The following SRC variants were observed in gnomAD, a reference collection of about 807,000 sequenced individuals.
SRC encodes the protein proto-oncogene tyrosine-protein kinase Src.
In SRC, 13 loss-of-function variants were observed where a neutral mutation model predicts 62.9. That is an observed-to-expected ratio of 0.21 (90% CI 0.13 to 0.33). The LOEUF (loss-of-function observed/expected upper bound fraction) is 0.33. Ranked by LOEUF, SRC falls within the 10% of genes least tolerant of loss-of-function variation. SRC has a pLI of 1.00. For missense variants in SRC, 457 were observed against 737.3 expected (o/e 0.62, Z 4.40); for synonymous variants, 302 against 317.5 (o/e 0.95, Z 0.52).
At chr20:37,400,324 A>AGGGGCAC in intron 10 of SRC, 30 bp downstream of exon 10, 9 of 1,582,764 alleles carry the variant, frequency 5.7e-6, no homozygotes, top group Non-Finnish European at 7.8e-6. Flanking sequence ...GGCAGGGGGC[A>AGGGGCAC]GGGGCACTCC....
At position 37,382,008 on chromosome 20, in the gene SRC, G is replaced by A. The variant is rs529599910; in HGVS notation, c.-172-611G>A. ...GCCCCAGGGGCACAGGGGACAGGCT[G>A]AAATTCACACAGGCAGGGGGCGTCT... is the stretch of plus-strand genomic sequence containing the variant. On this transcript the variant is annotated intron_variant, in intron 2 of 13. Coordinates refer to ENST00000373578, the MANE Select transcript of SRC (RefSeq NM_198291.3). Among the ~76,000 whole-genome samples, 4 of 152,294 alleles carry A rather than the reference G, an allele frequency of 2.6e-5. No individual in the cohort carries two copies. The East Asian group carries it at 7.7e-4, about 29-fold the overall frequency.
intron 7 of SRC, 43 bp downstream of exon 7, chr20:37,394,320 G>T: frequency 6.4e-7 from 1 of 1,564,808 alleles, no homozygotes; most frequent in Non-Finnish European, 8.8e-7. Flanking sequence ...AGTCTTCTGT[G>T]AGTGGTTTGA....
chr20:37,394,301 C>T (rs1485644590), intron 7 of SRC, 24 bp downstream of exon 7: 17 of 1,596,276 alleles, frequency 1.1e-5, no homozygotes, highest in Middle Eastern at 1.7e-4. Flanking sequence ...TGCTGGCCAA[C>T]GGATACTGAG....
intron 2 of SRC, among the ~76,000 whole-genome samples, chr20:37,374,330 G>C (rs1466264120): frequency 1.3e-5 from 2 of 151,772 alleles, no homozygotes; most frequent in Non-Finnish European, 2.9e-5. Flanking sequence ...TCCCCACCTC[G>C]GCCTTCCAAA....
In SRC at chr20:37,398,454, C is replaced by T. The variant is rs527298176; in HGVS notation, c.859+600C>T. Among the ~76,000 whole-genome samples the T allele has an allele frequency of 3.3e-5, 5 of 152,316 alleles. No individual in the cohort carries two copies. In the East Asian group the frequency reaches 9.7e-4, roughly 29 times the overall value. On this transcript the variant is annotated intron_variant, in intron 9 of 13. Transcript: ENST00000373578. The surrounding 1 kb of genome is among the most constrained non-coding windows in gnomAD (Gnocchi z 5.2). ...GGAGGAGAGACGGCGGTTGTAACCC[C>T]GTAAGCCCATGGTGCTAGCGGGGAT... is the stretch of plus-strand genomic sequence containing the variant.
intron 5 of SRC, among the ~76,000 whole-genome samples, chr20:37,391,916 G>A (rs561846046): frequency 3.9e-5 from 6 of 152,290 alleles, no homozygotes; most frequent in Middle Eastern, 3.4e-3. Flanking sequence ...GTGTCCCTGC[G>A]CTGATCGCTT....
chr20:37,400,312 G>A lies in SRC; in HGVS notation c.1039+18G>A, dbSNP rs1027195285. 13 of 1,586,996 alleles carry A rather than the reference G, an allele frequency of 8.2e-6. No homozygotes were observed. The highest frequency in any genetic ancestry group is 4.0e-5 in the African/African-American group (3 of 74,256). On this transcript the variant is annotated intron_variant, in intron 10 of 13. Transcript: ENST00000373578. ...GAGCAAGGGTGAGTCCTGGGCGGCC[G>A]GGGCAGGGGGCAGGGGCACTCCGGA...
In SRC at chr20:37,384,516, G is replaced by GCGC; in HGVS notation, c.250+113_250+114insCGC. 1 of 1,146,172 alleles carries GCGC rather than the reference G, an allele frequency of 8.7e-7. No homozygotes were observed. Among genetic ancestry groups the GCGC allele is most frequent in the Non-Finnish European group, 1.1e-6 (1 of 910,658 alleles). 71.0% of individuals were successfully genotyped at this position (1,146,172 alleles called of 1,614,324 possible). ...GCGCAGGCCCTTCCTCTCGCCAGGG[G>GCGC]TAGCGCCCCTGGGTGACTTGGGTGT... On this transcript the variant is annotated intron_variant, in intron 4 of 13. Transcript: ENST00000373578. This position sits in a 1 kb window ranked among gnomAD's most constrained non-coding sequence, Gnocchi z 6.7.
At chr20:37,373,496 A>C (rs758910373) in intron 2 of SRC, among the ~76,000 whole-genome samples, 2 of 149,066 alleles carry the variant, frequency 1.3e-5, no homozygotes. Flanking sequence ...TTTTTTGTGG[A>C]TATGAGGTTT....
In SRC at chr20:37,396,480, C is replaced by T; in HGVS notation, c.703+169C>T. The T allele has an allele frequency of 2.5e-6, 2 of 794,624 alleles. No individual in the cohort carries two copies. Among genetic ancestry groups the T allele is most frequent in the Non-Finnish European group, 3.9e-6 (2 of 512,774 alleles). 49.2% of individuals were successfully genotyped at this position (794,624 alleles called of 1,614,324 possible). Reference sequence around the variant, plus strand: ...CCTCCCTTTTCCCTCCTTTCCTTGTCTCCTTCTTCTTCCTCTTCTTTCCCC... The same window carrying T: ...CCTCCCTTTTCCCTCCTTTCCTTGTTTCCTTCTTCTTCCTCTTCTTTCCCC... On this transcript the variant is annotated intron_variant, in intron 8 of 13. Transcript: ENST00000373578. The surrounding 1 kb of genome is among the most constrained non-coding windows in gnomAD (Gnocchi z 6.1).
In SRC at chr20:37,401,651, G is replaced by T; in HGVS notation, c.1089G>T (p.Leu363=). The change falls in exon 11 of 14, where the codon CTG becomes CTT. Residue 363 remains leucine (L), a synonymous_variant. Coordinates refer to ENST00000373578, the MANE Select transcript of SRC (RefSeq NM_198291.3). ...LKGETGKYLR[L]PQLVDMAAQI... ...GGGAGACAGGCAAGTACCTGCGGCT[G>T]CCTCAGCTGGTGGACATGGCTGCTC... The T allele has an allele frequency of 6.2e-7, 1 of 1,610,652 alleles. No homozygotes were observed.
At chr20:37,379,537 G>A (rs1385525632) in intron 2 of SRC, among the ~76,000 whole-genome samples, 5 of 151,418 alleles carry the variant, frequency 3.3e-5, no homozygotes, top group East Asian at 1.9e-4. Context: ...CAGCCCAGCC[G>A]ACATGGTGGA....
chr20:37,360,582 T>C (rs948400945), intron 1 of SRC, among the ~76,000 whole-genome samples: 39 of 152,146 alleles, frequency 2.6e-4, no homozygotes, highest in Admixed American at 2.6e-3. Context: ...CAGATATATT[T>C]TGATGGTGCA....
At chr20:37,348,955 C>G (rs906011799) in intron 1 of SRC, among the ~76,000 whole-genome samples, 1 of 152,146 alleles carries the variant, frequency 6.6e-6, no homozygotes, top group African/African-American at 2.4e-5. Flanking sequence ...GTGGGGGAAG[C>G]TGTGAGGCTG....
At position 37,396,334 on chromosome 20, in the gene SRC, A is replaced by G. The variant is rs2147101723; in HGVS notation, c.703+23A>G. On this transcript the variant is annotated intron_variant, in intron 8 of 13. Transcript: ENST00000373578. The surrounding 1 kb of genome is among the most constrained non-coding windows in gnomAD (Gnocchi z 6.1). ...CCAGTGAGCCAGCCTCGGAGGGCGG[A>G]GGGCGGGCGGGCAAAGCCTCAGCTG... is the stretch of plus-strand genomic sequence containing the variant. 6.2e-7 allele frequency: 1 copy of G among 1,601,248 alleles called. No individual in the cohort carries two copies. Among genetic ancestry groups the G allele is most frequent in the Non-Finnish European group, 8.5e-7 (1 of 1,173,024 alleles).
intron 7 of SRC, among the ~76,000 whole-genome samples, chr20:37,395,537 C>T (rs1347801545): frequency 2.0e-5 from 3 of 152,224 alleles, no homozygotes; most frequent in Admixed American, 6.5e-5. Flanking sequence ...GGCACCAGGG[C>T]TGGCCCCGTT....
At position 37,386,289 on chromosome 20, in the gene SRC, C is replaced by CGAAGCCCAGGGCAGTGT. The variant is rs536998039; in HGVS notation, c.350+117_350+133dup. 3,406 of 1,055,984 alleles carry CGAAGCCCAGGGCAGTGT rather than the reference C, an allele frequency of 3.2e-3. 39 individuals are homozygous for CGAAGCCCAGGGCAGTGT. The highest frequency in any genetic ancestry group is 0.028 in the African/African-American group (1,788 of 64,054). The allele number at this position is 1,055,984 out of a possible 1,614,324, so 65.4% of individuals were successfully genotyped here. On this transcript the variant is annotated intron_variant, in intron 5 of 13. Transcript: ENST00000373578. ...GCACAGTGCAGAGCCCAGGGCAGTG[C>CGAAGCCCAGGGCAGTGT]GAAGCCCAGGGCAGTGTGGAGGCAG...
At chr20:37,370,552 G>A (rs777148617) in intron 2 of SRC, among the ~76,000 whole-genome samples, 142 of 152,198 alleles carry the variant, frequency 9.3e-4, no homozygotes, top group Non-Finnish European at 4.1e-4. Flanking sequence ...TCCAGCCTGG[G>A]TGACAGAGAA....
chr20:37,367,588 C>G (rs149140716), intron 2 of SRC, among the ~76,000 whole-genome samples: 5 of 149,542 alleles, frequency 3.3e-5, no homozygotes, highest in African/African-American at 1.2e-4. Context: ...GATCACCCTG[C>G]CTCAGCCTCC....
Sources: gnomAD v4.1 joint callset for allele counts (sites outside exome capture counted in the v4.1 genomes callset) on GRCh38, gnomAD v4.1.1 for gene constraint, Gnocchi (gnomAD v3.1) non-coding constraint, MANE v1.5 for transcripts, NCBI Gene and HGNC (gene_info 2026-07-23, HGNC 2026-07-21) for gene names.